Variants in WFDC5 observed in about 807,000 individuals in gnomAD.
The protein encoded by WFDC5 is WAP four-disulfide core domain 5, also known as WAP four-disulfide core domain protein 5.
Under a neutral mutation model 15.7 loss-of-function variants are expected in WFDC5, and 15 were observed. The observed-to-expected ratio is 0.96, with a 90% CI of 0.64 to 1.47. The LOEUF is 1.47. WFDC5 is among the 40% of genes most tolerant of loss of function. The pLI, the probability that WFDC5 is intolerant of heterozygous loss-of-function variation, is 0.00. For missense variants in WFDC5, 280 were observed against 258.0 expected (o/e 1.09, Z -0.59); for synonymous variants, 109 against 107.7 (o/e 1.01, Z -0.07).
intron 1 of WFDC5, among the ~76,000 whole-genome samples, chr20:45,112,337 G>A (rs1480049050): frequency 1.3e-5 from 2 of 152,214 alleles, no homozygotes; most frequent in Non-Finnish European, 2.9e-5. Flanking sequence ...CTTCTGTGGC[G>A]AGGGGCCTGG....
rs148578443 is a variant in WFDC5, at chr20:45,111,760, C to G, written c.86-985G>C. The stretch of plus-strand genomic sequence containing the variant: ...TCCTCCTCCATGTAGAGGAGGAAAT[C>G]AAGGCCTGAAAAGGGCAGTGACTTG... On this transcript the variant is annotated intron_variant, in intron 1 of 3. Transcript: ENST00000307971. Among the ~76,000 whole-genome samples, 1,456 of 152,256 alleles carry G rather than the reference C, an allele frequency of 9.6e-3. 11 individuals carry two copies. The highest frequency in any genetic ancestry group is 0.025 in the South Asian group (121 of 4,826).
chr20:45,111,562 G>A (rs147283638), intron 1 of WFDC5, among the ~76,000 whole-genome samples: 65 of 152,304 alleles, frequency 4.3e-4, no homozygotes, highest in African/African-American at 1.5e-3. Flanking sequence ...CTTCTGCACC[G>A]TTGCGTTCAT....
chr20:45,110,463 A>C, exon 3 of WFDC5: 1 of 1,614,034 alleles, frequency 6.2e-7, no homozygotes, highest in Non-Finnish European at 8.5e-7. Context: ...TTGCCCGAGC[A>C]GTCTGAGTCC....
chr20:45,113,515 C>G (rs951137922), intron 1 of WFDC5, among the ~76,000 whole-genome samples: 1 of 152,200 alleles, frequency 6.6e-6, no homozygotes, highest in Non-Finnish European at 1.5e-5. Flanking sequence ...CACAATGACT[C>G]CCCCAAATCA....
At chr20:45,109,532 G>T in exon 4 of WFDC5, 1 of 564,928 alleles carries the variant, frequency 1.8e-6, no homozygotes, top group South Asian at 2.5e-5. Flanking sequence ...GTAAATGGTG[G>T]TACAGGCAGC....
rs779262780 is a variant in WFDC5, at chr20:45,109,843, G to A, written c.564C>T (p.His188=). 7.1e-6 allele frequency: 7 copies of A among 979,436 alleles called. No individual in the cohort carries two copies. In the South Asian group the frequency reaches 8.1e-5, roughly 11 times the overall value. The allele number at this position is 979,436 out of a possible 1,614,324, so 60.7% of individuals were successfully genotyped here. The change falls in exon 4 of 4, where the codon CAC becomes CAT. Residue 188 remains histidine, a synonymous_variant. Transcript: ENST00000307971. ...TGACTCCCAGGAGGAGAAACCAGGG[G>A]TGGATGGGTTGCAGGGAAGTGTCAG... is the stretch of plus-strand genomic sequence containing the variant.
intron 3 of WFDC5, 79 bp from the exon 4 acceptor site, chr20:45,110,092 C>A: frequency 6.4e-7 from 1 of 1,555,062 alleles, no homozygotes; most frequent in East Asian, 2.3e-5. Context: ...CATCCATGCC[C>A]CACCAGCTCA....
At chr20:45,110,369 G>A (rs1280667980) in intron 3 of WFDC5, 31 bp downstream of exon 3, 3 of 1,573,800 alleles carry the variant, frequency 1.9e-6, no homozygotes, top group Non-Finnish European at 2.6e-6. Context: ...GGAGAGGGGA[G>A]GCACCTGCCC....
chr20:45,109,605 G>A (rs1023237516), exon 4 of WFDC5: 5 of 625,314 alleles, frequency 8.0e-6, no homozygotes, highest in Non-Finnish European at 1.5e-5. Context: ...GTGAATGACT[G>A]ATGTTTGGAA....
intron 1 of WFDC5, among the ~76,000 whole-genome samples, chr20:45,112,969 ACACT>A (rs1224296762): frequency 2.6e-5 from 4 of 152,228 alleles, no homozygotes; most frequent in Admixed American, 6.5e-5. Flanking sequence ...ACACAGATAG[ACACT>A]CAGACACACA....
At chr20:45,109,588 G>C in exon 4 of WFDC5, 1 of 617,242 alleles carries the variant, frequency 1.6e-6, no homozygotes, top group Non-Finnish European at 3.0e-6. Context: ...TGAAAATCAT[G>C]AAAGAGGTGA....
In WFDC5 at chr20:45,110,140, T is replaced by C. The variant is rs375112844; in HGVS notation, c.394-127A>G. 190 of 1,377,730 alleles carry C rather than the reference T, an allele frequency of 1.4e-4. No homozygotes were observed. In the African/African-American group the frequency reaches 2.3e-3, roughly 17 times the overall value. The allele number at this position is 1,377,730 out of a possible 1,614,324, so 85.3% of individuals were successfully genotyped here. ...ACCAAGGCAGGATTCCTCTGCCCCC[T>C]TCAAAAGGGCAAACAGAAGCCCAGA... On this transcript the variant is annotated intron_variant, in intron 3 of 3. Transcript: ENST00000307971.
At chr20:45,112,416 G>A (rs1051911037) in intron 1 of WFDC5, among the ~76,000 whole-genome samples, 7 of 152,192 alleles carry the variant, frequency 4.6e-5, no homozygotes, top group South Asian at 2.1e-4. Flanking sequence ...GAAGAACTGC[G>A]ATAGCTGCAA....
At chr20:45,110,924 T>C (rs1283538490) in intron 1 of WFDC5, 149 bp from the exon 2 acceptor site, 1 of 1,143,768 alleles carries the variant, frequency 8.7e-7, no homozygotes, top group East Asian at 2.5e-5. Context: ...TGTTTGTTTA[T>C]AATGACTCCA....
At chr20:45,109,962 C>T (rs780530480) in exon 4 of WFDC5, 1 of 1,614,120 alleles carries the variant, frequency 6.2e-7, no homozygotes, top group South Asian at 1.1e-5. Context: ...TGAACTCTTT[C>T]CGTTGGTCCC....
At chr20:45,110,750 A>G (rs1981594525) in exon 2 of WFDC5, 1 of 1,613,986 alleles carries the variant, frequency 6.2e-7, no homozygotes, top group African/African-American at 1.3e-5. Context: ...AGGGCCCATC[A>G]TCTGGCGGGC....
rs551709664 is a variant in WFDC5, at chr20:45,110,769, G to T, written c.92C>A (p.Ser31Ter). 5 of 1,613,936 alleles carry T rather than the reference G, an allele frequency of 3.1e-6. No individual in the cohort carries two copies. The East Asian group carries it at 1.1e-4, about 36-fold the overall frequency. The change falls in exon 2 of 4, where the codon TCG (serine) becomes TAG (stop). Residue 31 changes from serine (S) to a stop codon, truncating the protein, a stop_gained. Transcript: ENST00000307971. LOFTEE classifies it high-confidence loss of function. ...CCCATCATCTGGCGGGCAGCCCCCC[G>T]ATTTCTCTGTAAGAGAATCTCCTAA...
intron 1 of WFDC5, among the ~76,000 whole-genome samples, chr20:45,112,428 G>A (rs906727168): frequency 1.3e-5 from 2 of 152,194 alleles, no homozygotes; most frequent in African/African-American, 4.8e-5. Flanking sequence ...TAGCTGCAAT[G>A]TGGAGGTGGG....
At chr20:45,110,312 C>A in intron 3 of WFDC5, 88 bp downstream of exon 3, 1 of 1,527,574 alleles carries the variant, frequency 6.5e-7, no homozygotes, top group Non-Finnish European at 8.8e-7. Flanking sequence ...TCTGGGGAGG[C>A]ATCCTGTTAA....
Sources: gnomAD v4.1 joint callset for allele counts (sites outside exome capture counted in the v4.1 genomes callset) on GRCh38, gnomAD v4.1.1 for gene constraint, MANE v1.5 for transcripts, NCBI Gene and HGNC (gene_info 2026-07-23, HGNC 2026-07-21) for gene names.